Variants in WASHC5 observed in about 807,000 individuals in gnomAD.
WASHC5 encodes the protein WASH complex subunit strumpellin.
In WASHC5, 101 loss-of-function variants were observed where a neutral mutation model predicts 150.4. That is an observed-to-expected ratio of 0.67 (90% CI 0.57 to 0.79). The LOEUF is 0.79. Ranked by LOEUF, WASHC5 falls within the 30% of genes least tolerant of loss-of-function variation. The pLI is 0.00. For missense variants in WASHC5, 1,195 were observed against 1,396.3 expected (o/e 0.86, Z 2.30); for synonymous variants, 467 against 491.2 (o/e 0.95, Z 0.65).
At chr8:125,041,659 GT>G (rs1815893036) in intron 23 of WASHC5, among the ~76,000 whole-genome samples, 1 of 152,044 alleles carries the variant, frequency 6.6e-6, no homozygotes, top group African/African-American at 2.4e-5. Context: ...GAAAAGGAGG[GT>G]GGCCTTCTCT....
At chr8:125,076,038 G>T (rs1240108033) in intron 7 of WASHC5, among the ~76,000 whole-genome samples, 1 of 152,058 alleles carries the variant, frequency 6.6e-6, no homozygotes, top group Non-Finnish European at 1.5e-5. Context: ...AAATGGAAAA[G>T]AATAAATAAA....
chr8:125,038,665 C>T (rs1212757698), intron 25 of WASHC5, among the ~76,000 whole-genome samples, 165 bp downstream of exon 25: 5 of 152,108 alleles, frequency 3.3e-5, no homozygotes, highest in African/African-American at 9.7e-5. Context: ...CTGAGCCAGG[C>T]GGGGAAAGTG....
intron 28 of WASHC5, among the ~76,000 whole-genome samples, chr8:125,026,813 TA>T (rs1815390154): frequency 1.3e-5 from 2 of 152,158 alleles, no homozygotes; most frequent in African/African-American, 4.8e-5. Flanking sequence ...AGTGTTTTAA[TA>T]CTTGATATAA....
intron 1 of WASHC5, among the ~76,000 whole-genome samples, chr8:125,088,917 A>G (rs1817508713): frequency 6.6e-6 from 1 of 152,176 alleles, no homozygotes; most frequent in Non-Finnish European, 1.5e-5. Flanking sequence ...CTAGATGGCT[A>G]GCAAGGTGGC....
chr8:125,064,944 G>A (rs1409417212), intron 10 of WASHC5, among the ~76,000 whole-genome samples: 1 of 152,126 alleles, frequency 6.6e-6, no homozygotes, highest in Non-Finnish European at 1.5e-5. Context: ...ATTATTTATA[G>A]AGTCTACCCT....
chr8:125,087,494 C>T (rs1161167711), intron 1 of WASHC5, among the ~76,000 whole-genome samples: 1 of 152,012 alleles, frequency 6.6e-6, no homozygotes, highest in Non-Finnish European at 1.5e-5. Context: ...TTTAGAAGGC[C>T]AAGGTAGGAG....
chr8:125,039,785 TG>T lies in WASHC5; in HGVS notation c.2954+9del. 6.3e-7 allele frequency: 1 copy of T among 1,588,996 alleles called. No individual in the cohort carries two copies. Among genetic ancestry groups the T allele is most frequent in the Non-Finnish European group, 8.6e-7 (1 of 1,157,220 alleles). On this transcript the variant is annotated intron_variant, in intron 24 of 28. Transcript: ENST00000318410. ...GCCCACGGATGGCTGTTTCAAACCC[TG>T]GCACTTACTTATTGAGATTCTCCAG...
chr8:125,075,165 G>A (rs1038361086), intron 7 of WASHC5, 54 bp from the exon 8 acceptor site: 81 of 1,082,186 alleles, frequency 7.5e-5, no homozygotes, highest in South Asian at 6.8e-4. Context: ...TCAAGGCAAA[G>A]GGTTGAATAC....
rs180715104 is a variant in WASHC5 at position 125,046,328 on chromosome 8, A to C, written c.2504+879T>G. Among the ~76,000 whole-genome samples, 919 of 152,308 alleles carry C rather than the reference A, an allele frequency of 6.0e-3. 1 individual carries two copies. The highest frequency in any genetic ancestry group is 0.01 in the Non-Finnish European group (701 of 68,022). On this transcript the variant is annotated intron_variant, in intron 20 of 28. Transcript: ENST00000318410. ...GAGGAAAACTGGCTCAGCTGGACTT[A>C]CTAGAGGCAGCATGCTAGTCTCTGC...
At chr8:125,067,852 T>C in intron 9 of WASHC5, 133 bp from the exon 10 acceptor site, 2 of 907,636 alleles carry the variant, frequency 2.2e-6, no homozygotes, top group South Asian at 2.9e-5. Context: ...CAATAAAAGA[T>C]GGTGAAATAT....
At chr8:125,050,845 C>T (rs549989715) in intron 17 of WASHC5, among the ~76,000 whole-genome samples, 180 bp from the exon 18 acceptor site, 101 of 152,318 alleles carry the variant, frequency 6.6e-4, no homozygotes, top group African/African-American at 2.2e-3. Flanking sequence ...AATTATTAAA[C>T]CTGTCACCTT....
In WASHC5 at chr8:125,076,516, G is replaced by C; in HGVS notation, c.712-16C>G. On this transcript the variant is annotated splice_polypyrimidine_tract_variant and intron_variant, in intron 6 of 28. Transcript: ENST00000318410. ...ACGCTGAGACCTGCAATGTCAAGAC[G>C]ACACCCCGAGAAAGCTGTTGGCAAC... is the stretch of plus-strand genomic sequence containing the variant. 1 of 1,612,800 alleles carries C rather than the reference G, an allele frequency of 6.2e-7. No individual in the cohort carries two copies. The highest frequency in any genetic ancestry group is 8.5e-7 in the Non-Finnish European group (1 of 1,179,784).
At chr8:125,078,952 A>C in intron 5 of WASHC5, 22 bp from the exon 6 acceptor site, 1 of 1,599,548 alleles carries the variant, frequency 6.3e-7, no homozygotes, top group Non-Finnish European at 8.6e-7. Context: ...TCACAATGGG[A>C]AACAAAGACC....
At chr8:125,063,398 A>C (rs1411277688) in intron 11 of WASHC5, 124 bp downstream of exon 11, 1 of 1,086,844 alleles carries the variant, frequency 9.2e-7, no homozygotes, top group Admixed American at 1.7e-5. Context: ...AGCAACACTA[A>C]AGATGGAATA....
At chr8:125,043,949 G>C in intron 22 of WASHC5, 43 bp downstream of exon 22, 7 of 1,532,294 alleles carry the variant, frequency 4.6e-6, no homozygotes, top group East Asian at 2.3e-5. Context: ...ATTCGTAAAG[G>C]CTACAGTGTC....
At chr8:125,079,135 T>TATATACAC (rs1554597080) in intron 5 of WASHC5, among the ~76,000 whole-genome samples, 2 of 117,486 alleles carry the variant, frequency 1.7e-5, no homozygotes, top group Admixed American at 9.7e-5. Flanking sequence ...TATATATATA[T>TATATACAC]ATATACATTT....
chr8:125,089,816 T>C (rs973609522), intron 1 of WASHC5, among the ~76,000 whole-genome samples: 3 of 152,184 alleles, frequency 2.0e-5, no homozygotes, highest in African/African-American at 7.2e-5. Flanking sequence ...TAGACAACTT[T>C]AAAAGAACAT....
chr8:125,056,056 G>T (rs1816394458), intron 16 of WASHC5, among the ~76,000 whole-genome samples: 1 of 152,164 alleles, frequency 6.6e-6, no homozygotes, highest in African/African-American at 2.4e-5. Context: ...GTAGGCAGGT[G>T]CTAGCTATAC....
intron 25 of WASHC5, among the ~76,000 whole-genome samples, chr8:125,037,727 A>G (rs1348193000): frequency 6.6e-6 from 1 of 152,110 alleles, no homozygotes; most frequent in Non-Finnish European, 1.5e-5. Context: ...AGAGAGGGAA[A>G]GAGGGAAGAA....
Sources: gnomAD v4.1 joint callset for allele counts (sites outside exome capture counted in the v4.1 genomes callset) on GRCh38, gnomAD v4.1.1 for gene constraint, MANE v1.5 for transcripts, NCBI Gene and HGNC (gene_info 2026-07-23, HGNC 2026-07-21) for gene names.